Variants in PAM observed in about 807,000 individuals in gnomAD.
The protein encoded by PAM is peptidylglycine alpha-amidating monooxygenase, also known as peptidyl-glycine alpha-amidating monooxygenase.
PAM carries 72 observed loss-of-function variants against 122.1 expected under a neutral mutation model. That is an observed-to-expected ratio of 0.59 (90% CI 0.49 to 0.72). The LOEUF (loss-of-function observed/expected upper bound fraction) is 0.72, where lower values mean the gene tolerates loss of function less well. Among genes scored for constraint, PAM ranks in the 30% least tolerant of loss-of-function variants. The pLI, the probability that PAM is intolerant of heterozygous loss-of-function variation, is 0.00. For synonymous variants in PAM, 389 were observed against 404.4 expected, an observed-to-expected ratio of 0.96 and a Z score of 0.46; for missense variants, 1,106 against 1,183.7, an observed-to-expected ratio of 0.93 and a Z score of 0.96.
chr5:102,813,397 T>C (rs1003740241), intron 1 of PAM, among the ~76,000 whole-genome samples: 44 of 152,202 alleles, frequency 2.9e-4, no homozygotes, highest in Admixed American at 3.9e-4. Context: ...TTTTTCCCAA[T>C]GATGGCAGTA....
At chr5:102,812,570 C>T (rs867720909) in intron 1 of PAM, among the ~76,000 whole-genome samples, 45 of 152,138 alleles carry the variant, frequency 3.0e-4, no homozygotes, top group Admixed American at 1.4e-3. Flanking sequence ...TACCTTAGGA[C>T]CCTTGCTTAG....
chr5:102,968,927 A>G (rs1477380480), intron 14 of PAM, among the ~76,000 whole-genome samples: 3 of 152,190 alleles, frequency 2.0e-5, no homozygotes, highest in African/African-American at 4.8e-5. Flanking sequence ...GGATGAGTTC[A>G]TGTCCTTTGC....
intron 12 of PAM, among the ~76,000 whole-genome samples, chr5:102,952,749 G>C (rs1759365340): frequency 6.6e-6 from 1 of 152,144 alleles, no homozygotes; most frequent in African/African-American, 2.4e-5. Flanking sequence ...CTCCATAGAT[G>C]ATTACAGGAT....
chr5:103,012,855 CAA>C (rs777801743), intron 21 of PAM, among the ~76,000 whole-genome samples: 12 of 100,472 alleles, frequency 1.2e-4, no homozygotes, highest in Admixed American at 3.3e-4. Context: ...GACTCTGCCT[CAA>C]AAAAAAAAAA....
intron 3 of PAM, 23 bp from the exon 4 acceptor site, chr5:102,901,332 AT>A: frequency 1.4e-6 from 2 of 1,435,034 alleles, no homozygotes; most frequent in South Asian, 1.2e-5. Flanking sequence ...TTTAATTTGG[AT>A]TTTTTAATCT....
intron 16 of PAM, among the ~76,000 whole-genome samples, chr5:102,998,823 C>T (rs978329476): frequency 1.3e-5 from 2 of 152,060 alleles, no homozygotes; most frequent in African/African-American, 2.4e-5. Flanking sequence ...TGCCATTGTG[C>T]CTTTACAAAG....
chr5:102,981,182 T>G (rs1769683290), intron 15 of PAM, among the ~76,000 whole-genome samples: 1 of 152,220 alleles, frequency 6.6e-6, no homozygotes, highest in African/African-American at 2.4e-5. Flanking sequence ...TTGAGATCAT[T>G]CATAGCCAGA....
At chr5:102,948,229 T>C (rs1408139490) in intron 8 of PAM, 149 bp from the exon 9 acceptor site, 6 of 533,600 alleles carry the variant, frequency 1.1e-5, no homozygotes, top group Non-Finnish European at 1.7e-5. Flanking sequence ...AAGTATTTTT[T>C]AAGGAAGAAA....
chr5:102,971,854 A>C (rs1180549177), intron 14 of PAM, among the ~76,000 whole-genome samples: 46 of 151,490 alleles, frequency 3.0e-4, no homozygotes, highest in Non-Finnish European at 8.8e-5. Flanking sequence ...AGAGGAAAAA[A>C]CTCTTTCTGG....
chr5:102,824,404 A>G (rs1772982632), intron 1 of PAM, among the ~76,000 whole-genome samples: 1 of 152,188 alleles, frequency 6.6e-6, no homozygotes, highest in South Asian at 2.1e-4. Context: ...TAGTCATTCT[A>G]TGTACAAATG....
At chr5:102,962,864 C>T (rs1221656483) in intron 14 of PAM, among the ~76,000 whole-genome samples, 1 of 151,626 alleles carries the variant, frequency 6.6e-6, no homozygotes, top group South Asian at 2.1e-4. Context: ...TGAACATTAT[C>T]TATATACCCA....
At chr5:102,914,136 A>G in intron 5 of PAM, 115 bp downstream of exon 5, 1 of 662,550 alleles carries the variant, frequency 1.5e-6, no homozygotes, top group Non-Finnish European at 2.8e-6. Context: ...ACATTTTAAG[A>G]AAAAGAACAT....
chr5:103,007,691 C>G (rs1779445758), intron 20 of PAM, 34 bp downstream of exon 20: 3 of 1,308,762 alleles, frequency 2.3e-6, no homozygotes, highest in Non-Finnish European at 2.2e-6. Context: ...TGTCTTCTGT[C>G]CTACTGTACT....
At chr5:102,851,444 T>C (rs1362825838) in intron 1 of PAM, among the ~76,000 whole-genome samples, 5 of 152,154 alleles carry the variant, frequency 3.3e-5, no homozygotes, top group African/African-American at 1.2e-4. Flanking sequence ...ATACTAATAG[T>C]GATTTAAATA....
At chr5:102,777,029 T>C (rs1757345640) in intron 1 of PAM, among the ~76,000 whole-genome samples, 2 of 152,116 alleles carry the variant, frequency 1.3e-5, no homozygotes, top group African/African-American at 2.4e-5. Context: ...AATTTCACCT[T>C]TTTATTCTTA....
intron 23 of PAM, among the ~76,000 whole-genome samples, chr5:103,024,691 A>G (rs1306249049): frequency 2.0e-5 from 3 of 152,180 alleles, no homozygotes; most frequent in Non-Finnish European, 4.4e-5. Flanking sequence ...AGTTTTATAG[A>G]TGAAGTTACT....
chr5:103,022,352 C>T (rs1005752969), intron 23 of PAM, among the ~76,000 whole-genome samples: 3 of 151,970 alleles, frequency 2.0e-5, no homozygotes, highest in Admixed American at 6.6e-5. Context: ...AACTGGGATA[C>T]AATTGCTGTA....
intron 3 of PAM, among the ~76,000 whole-genome samples, chr5:102,879,501 C>T (rs957585934): frequency 2.0e-5 from 3 of 152,130 alleles, no homozygotes; most frequent in Non-Finnish European, 4.4e-5. Context: ...AGATTTCCCC[C>T]TTGTTGTTCC....
At chr5:102,803,171 AAGGAAGGAAGGAAGGAAGGAAGGAAG>A (rs1765291803) in intron 1 of PAM, among the ~76,000 whole-genome samples, 1 of 17,332 alleles carries the variant, frequency 5.8e-5, no homozygotes, top group Non-Finnish European at 1.2e-4. Context: ...GGAAGGAAGG[AAGGAAGGAAGGAAGGAAGGAAGGAAG>A]GAAGGAAGGA....
Sources: allele counts gnomAD v4.1 joint callset (sites outside exome capture counted in the v4.1 genomes callset), GRCh38; gene constraint gnomAD v4.1.1; transcripts MANE v1.5; gene names NCBI Gene and HGNC (gene_info 2026-07-23, HGNC 2026-07-21).